GXYLT1: variants seen among roughly 807,000 people sequenced by gnomAD.
The protein encoded by GXYLT1 is glucoside xylosyltransferase 1, also known as glycosyltransferase 8 domain containing 3.
A neutral mutation model predicts 54.0 loss-of-function variants in GXYLT1; 29 were observed. That is an observed-to-expected ratio of 0.54 (90% CI 0.40 to 0.73). GXYLT1 has a LOEUF of 0.73. Among genes scored for constraint, GXYLT1 ranks in the 30% least tolerant of loss-of-function variants. The pLI is 0.00. For synonymous variants in GXYLT1, 176 were observed against 204.1 expected (o/e 0.86, Z 1.17); for missense variants, 490 against 553.4 (o/e 0.89, Z 1.15).
At chr12:42,114,166 AAG>A (rs1351541918) in intron 3 of GXYLT1, among the ~76,000 whole-genome samples, 3 of 152,242 alleles carry the variant, frequency 2.0e-5, no homozygotes, top group Non-Finnish European at 4.4e-5. Context: ...AAATGCCCAC[AAG>A]AGAAAGCAGG....
Position 42,129,779 on chromosome 12 carries a change from G to A in GXYLT1, c.294C>T (p.Cys98=). 6.2e-7 allele frequency: 1 copy of A among 1,613,300 alleles called. No individual in the cohort carries two copies. The highest frequency in any genetic ancestry group is 8.5e-7 in the Non-Finnish European group (1 of 1,179,504). The change falls in exon 2 of 8, where the codon TGC becomes TGT. Residue 98 remains cysteine (C), a synonymous_variant. Coordinates refer to ENST00000398675, the MANE Select transcript of GXYLT1 (RefSeq NM_173601.2). Reference sequence around the variant, plus strand: ...CCTACCTAAAAGCCGCTTCCCAAAAGCAGTTCATTCCACAAACATCAGAGG... The same window carrying A: ...CCTACCTAAAAGCCGCTTCCCAAAAACAGTTCATTCCACAAACATCAGAGG... The part of the protein sequence containing the change: ...MLPSDVCGMN[C]FWEAAFRYSL...
rs139655629 is a variant in GXYLT1, at chr12:42,136,003, C to T, written c.222-6152G>A. Among the ~76,000 whole-genome samples the T allele has an allele frequency of 2.2e-4, 33 of 152,262 alleles. 1 individual carries two copies. The highest frequency in any genetic ancestry group is 1.4e-3 in the Admixed American group (22 of 15,298). On this transcript the variant is annotated intron_variant, in intron 1 of 7. Transcript: ENST00000398675. ...TACTGGAAATATAAGAACACATGCA[C>T]TAGTGAATACATATGCTGCATACCA...
Position 42,109,702 on chromosome 12 carries a change from T to TAAAAAAA in GXYLT1, c.487-12_487-11insTTTTTTT. The TAAAAAAA allele has an allele frequency of 7.6e-7, 1 of 1,312,722 alleles. No individual in the cohort carries two copies. Among genetic ancestry groups the TAAAAAAA allele is most frequent in the Non-Finnish European group, 1.0e-6 (1 of 959,828 alleles). 81.3% of individuals were successfully genotyped at this position (1,312,722 alleles called of 1,614,324 possible). The stretch of plus-strand genomic sequence containing the variant: ...TGACCAGTTGTCAAGCTAAAACAAT[T>TAAAAAAA]TAAAAAAAAACTGTTTAGTTTCACT... On this transcript the variant is annotated splice_polypyrimidine_tract_variant and intron_variant, in intron 3 of 7. Coordinates refer to ENST00000398675, the MANE Select transcript of GXYLT1 (RefSeq NM_173601.2).
chr12:42,082,666 G>A lies in GXYLT1; in HGVS notation c.*5120C>T, dbSNP rs2065260539. The A allele has an allele frequency of 6.6e-6, 1 of 152,100 alleles. No homozygotes were observed. The highest frequency in any genetic ancestry group is 1.9e-4 in the East Asian group (1 of 5,188). The allele number at this position is 152,100 out of a possible 1,614,324, so 9.4% of individuals were successfully genotyped here. A position where few individuals can be genotyped will look rare whatever the true frequency, so the allele number is the denominator to read the frequency against. On this transcript the variant is annotated 3_prime_UTR_variant, in exon 8 of 8. Coordinates refer to ENST00000398675, the MANE Select transcript of GXYLT1 (RefSeq NM_173601.2). The stretch of plus-strand genomic sequence containing the variant: ...GATAATTTTTTAATTTTTTTGTAGA[G>A]ATGGGGTCTCACTTTGTCACCTAGG...
At chr12:42,129,312 T>G (rs2065580867) in intron 2 of GXYLT1, among the ~76,000 whole-genome samples, 1 of 152,192 alleles carries the variant, frequency 6.6e-6, no homozygotes, top group Non-Finnish European at 1.5e-5. Flanking sequence ...ATTAAATACT[T>G]ATCTTTATCC....
chr12:42,116,043 T>C (rs1385759851), intron 3 of GXYLT1, among the ~76,000 whole-genome samples: 1 of 151,976 alleles, frequency 6.6e-6, no homozygotes, highest in Non-Finnish European at 1.5e-5. Context: ...GATTCCCTAT[T>C]TAATAAATGG....
intron 2 of GXYLT1, among the ~76,000 whole-genome samples, chr12:42,125,504 TAG>T (rs2065555411): frequency 6.6e-6 from 1 of 152,108 alleles, no homozygotes; most frequent in Admixed American, 6.6e-5. Context: ...AAAGCAGCGT[TAG>T]AGGAGTCCAG....
At chr12:42,129,450 C>T (rs1397538282) in intron 2 of GXYLT1, among the ~76,000 whole-genome samples, 5 of 152,128 alleles carry the variant, frequency 3.3e-5, no homozygotes, top group South Asian at 2.1e-4. Context: ...TATCTGTAAA[C>T]GTCAGTAGAA....
chr12:42,144,740 A>C lies in GXYLT1; in HGVS notation c.-94T>G. ...GGCACCGCGCAGCCGCGGGCGCAACAAGTTCCTCACCCGCAGCCGCCGCCG... is the reference window on the plus strand; with the variant it reads ...GGCACCGCGCAGCCGCGGGCGCAACCAGTTCCTCACCCGCAGCCGCCGCCG... On this transcript the variant is annotated 5_prime_UTR_variant, in exon 1 of 8. Coordinates refer to ENST00000398675, the MANE Select transcript of GXYLT1 (RefSeq NM_173601.2). 1.3e-5 allele frequency: 12 copies of C among 944,140 alleles called. No homozygotes were observed. Among genetic ancestry groups the C allele is most frequent in the African/African-American group, 1.8e-5 (1 of 56,840 alleles). 58.5% of individuals were successfully genotyped at this position (944,140 alleles called of 1,614,324 possible).
intron 2 of GXYLT1, 48 bp downstream of exon 2, chr12:42,129,711 A>G (rs778706708): frequency 8.7e-7 from 1 of 1,150,130 alleles, no homozygotes. Context: ...ATTATCAACT[A>G]TCTAACCTTA....
At chr12:42,118,676 C>T (rs1326839505) in intron 3 of GXYLT1, among the ~76,000 whole-genome samples, 1 of 152,142 alleles carries the variant, frequency 6.6e-6, no homozygotes, top group Non-Finnish European at 1.5e-5. Flanking sequence ...TCATGGGGGC[C>T]GTTTCCCCCT....
chr12:42,135,133 C>T (rs186614952), intron 1 of GXYLT1, among the ~76,000 whole-genome samples: 49 of 152,298 alleles, frequency 3.2e-4, no homozygotes, highest in African/African-American at 1.2e-3. Context: ...AGACATGATA[C>T]TGTGGCATCA....
At chr12:42,092,129 T>C (rs1176828891) in intron 7 of GXYLT1, among the ~76,000 whole-genome samples, 4 of 152,212 alleles carry the variant, frequency 2.6e-5, no homozygotes, top group South Asian at 2.1e-4. Flanking sequence ...CCATGGATTA[T>C]AGTGAAGTGT....
intron 3 of GXYLT1, among the ~76,000 whole-genome samples, chr12:42,112,498 G>A (rs938265665): frequency 6.6e-6 from 1 of 152,210 alleles, no homozygotes. Flanking sequence ...GACAAATGCA[G>A]AAGCCTCAGT....
chr12:42,112,904 G>A (rs531655375), intron 3 of GXYLT1, among the ~76,000 whole-genome samples: 7 of 151,334 alleles, frequency 4.6e-5, no homozygotes, highest in African/African-American at 1.7e-4. Flanking sequence ...ACCCTCAAAG[G>A]GAAGCCCATC....
intron 4 of GXYLT1, among the ~76,000 whole-genome samples, chr12:42,107,370 G>A (rs1351194094): frequency 6.6e-6 from 1 of 152,106 alleles, no homozygotes; most frequent in African/African-American, 2.4e-5. Flanking sequence ...AGTAGGGAAG[G>A]TTCACTTGGT....
chr12:42,109,912 C>T (rs1489242711), intron 3 of GXYLT1, among the ~76,000 whole-genome samples: 1 of 152,140 alleles, frequency 6.6e-6, no homozygotes, highest in Non-Finnish European at 1.5e-5. Context: ...AGATCTGAAG[C>T]ATAATGAAAG....
chr12:42,138,237 AGTCTGGGTGACAGAGACTGC>A (rs1310378761), intron 1 of GXYLT1, among the ~76,000 whole-genome samples: 43 of 152,390 alleles, frequency 2.8e-4, no homozygotes, highest in African/African-American at 7.5e-4. Context: ...ACTGCGCTCC[AGTCTGGGTGACAGAGACTGC>A]GTCTGGGTGA....
intron 7 of GXYLT1, among the ~76,000 whole-genome samples, chr12:42,092,664 G>A (rs1157125252): frequency 6.6e-6 from 1 of 152,040 alleles, no homozygotes; most frequent in Non-Finnish European, 1.5e-5. Context: ...TAAAGCAAAT[G>A]CTTAAAAGAC....
Sources: allele counts gnomAD v4.1 joint callset (sites outside exome capture counted in the v4.1 genomes callset), GRCh38; gene constraint gnomAD v4.1.1; transcripts MANE v1.5; gene names NCBI Gene and HGNC (gene_info 2026-07-23, HGNC 2026-07-21).